The following KCTD16 variants were observed in gnomAD, a reference collection of about 807,000 sequenced individuals.
KCTD16 encodes BTB/POZ domain-containing protein KCTD16.
A neutral mutation model predicts 33.2 loss-of-function variants in KCTD16; 13 were observed. That is an observed-to-expected ratio of 0.39 (90% confidence interval 0.25 to 0.62). The LOEUF is 0.62. KCTD16 is among the 20% of genes least tolerant of loss of function. KCTD16 has a pLI of 0.50. For missense variants in KCTD16, 441 were observed against 525.1 expected, an observed-to-expected ratio of 0.84 and a Z score of 1.57; for synonymous variants, 197 against 195.3, an observed-to-expected ratio of 1.01 and a Z score of -0.07.
rs562464470 is a variant in KCTD16 at position 144,304,460 on chromosome 5, G to A, written c.832+96914G>A. Among the ~76,000 whole-genome samples, 20 of 152,318 alleles carry A rather than the reference G, an allele frequency of 1.3e-4. 1 individual carries two copies. The highest frequency in any genetic ancestry group is 1.2e-3 in the East Asian group (6 of 5,190). ...TAAGGGAATGGGAAATTGTTTCTTCGGAGGAAAGCCTAAAAGAATTTGAAT... is the reference window on the plus strand; with the variant it reads ...TAAGGGAATGGGAAATTGTTTCTTCAGAGGAAAGCCTAAAAGAATTTGAAT... On this transcript the variant is annotated intron_variant, in intron 3 of 3. Transcript: ENST00000512467.
At chr5:144,333,620 G>A (rs903360361) in intron 3 of KCTD16, among the ~76,000 whole-genome samples, 2 of 152,092 alleles carry the variant, frequency 1.3e-5, no homozygotes, top group African/African-American at 4.8e-5. Flanking sequence ...TGTTGGCTGG[G>A]CTAATATTGT....
chr5:144,403,716 G>A (rs954450881), intron 3 of KCTD16, among the ~76,000 whole-genome samples: 1 of 152,156 alleles, frequency 6.6e-6, no homozygotes, highest in Non-Finnish European at 1.5e-5. Flanking sequence ...ACAGATTCTG[G>A]GGATTAGAAC....
intron 3 of KCTD16, among the ~76,000 whole-genome samples, chr5:144,411,172 T>C (rs922987903): frequency 5.3e-5 from 8 of 152,194 alleles, no homozygotes; most frequent in African/African-American, 7.2e-5. Context: ...CTTCACAGAA[T>C]TAGAAAAAAA....
chr5:144,417,627 TTTTTA>T (rs1753093209), intron 3 of KCTD16, among the ~76,000 whole-genome samples: 1 of 151,544 alleles, frequency 6.6e-6, no homozygotes, highest in African/African-American at 2.4e-5. Context: ...ATACAATTTA[TTTTTA>T]TTTTGTTTTT....
intron 3 of KCTD16, among the ~76,000 whole-genome samples, chr5:144,371,681 T>TG (rs1178279219): frequency 6.6e-6 from 1 of 151,986 alleles, no homozygotes; most frequent in African/African-American, 2.4e-5. Flanking sequence ...CTGATGTTCA[T>TG]GGAAAAACTC....
At chr5:144,443,454 A>G (rs1023279491) in intron 3 of KCTD16, among the ~76,000 whole-genome samples, 1 of 151,738 alleles carries the variant, frequency 6.6e-6, no homozygotes, top group African/African-American at 2.4e-5. Context: ...TTACTTCATC[A>G]TTCTAGAAAT....
At chr5:144,345,285 C>A (rs747479304) in intron 3 of KCTD16, among the ~76,000 whole-genome samples, 1 of 151,688 alleles carries the variant, frequency 6.6e-6, no homozygotes, top group Non-Finnish European at 1.5e-5. Flanking sequence ...AGCACACCAG[C>A]ATGGCACATG....
intron 3 of KCTD16, among the ~76,000 whole-genome samples, chr5:144,444,335 A>G (rs542009535): frequency 6.6e-6 from 1 of 152,154 alleles, no homozygotes; most frequent in South Asian, 2.1e-4. Context: ...CACATCAAAA[A>G]TCATGGTTCT....
At chr5:144,289,484 G>A (rs569062692) in intron 3 of KCTD16, among the ~76,000 whole-genome samples, 1 of 152,242 alleles carries the variant, frequency 6.6e-6, no homozygotes, top group African/African-American at 2.4e-5. Flanking sequence ...TCTGGTAGGA[G>A]AGGGCTGCCT....
intron 2 of KCTD16, chr5:144,205,232 C>A (rs1368978531): frequency 3.7e-6 from 1 of 272,628 alleles, no homozygotes; most frequent in Non-Finnish European, 6.8e-6. Flanking sequence ...ATCGCGTGCC[C>A]ACCGCCGGAG....
At chr5:144,355,487 A>G (rs1751550308) in intron 3 of KCTD16, among the ~76,000 whole-genome samples, 1 of 152,148 alleles carries the variant, frequency 6.6e-6, no homozygotes, top group African/African-American at 2.4e-5. Context: ...AGACAGAGAC[A>G]GGTAGTGGGA....
intron 3 of KCTD16, among the ~76,000 whole-genome samples, chr5:144,411,918 T>C (rs1259239339): frequency 6.6e-6 from 1 of 152,014 alleles, no homozygotes; most frequent in African/African-American, 2.4e-5. Flanking sequence ...CAGGTATATA[T>C]AAAAAAATTG....
At chr5:144,382,783 T>G (rs558956426) in intron 3 of KCTD16, among the ~76,000 whole-genome samples, 1 of 152,216 alleles carries the variant, frequency 6.6e-6, no homozygotes, top group Non-Finnish European at 1.5e-5. Flanking sequence ...TCATCTCTTT[T>G]ACTTCAGCAT....
At chr5:144,177,219 A>G (rs1752527882) in intron 2 of KCTD16, among the ~76,000 whole-genome samples, 1 of 152,190 alleles carries the variant, frequency 6.6e-6, no homozygotes. Context: ...TAATGCTTGA[A>G]CCACAGTAAC....
chr5:144,407,126 A>AG (rs1423103897), intron 3 of KCTD16, among the ~76,000 whole-genome samples: 1 of 151,638 alleles, frequency 6.6e-6, no homozygotes, highest in Non-Finnish European at 1.5e-5. Context: ...GATGTGGGCG[A>AG]GGGGAGTAGG....
At chr5:144,395,641 C>A (rs1446836005) in intron 3 of KCTD16, among the ~76,000 whole-genome samples, 1 of 152,236 alleles carries the variant, frequency 6.6e-6, no homozygotes, top group Non-Finnish European at 1.5e-5. Flanking sequence ...TTCAGCAATT[C>A]TCTCCACAAT....
rs1752731888 is a variant in KCTD16, at chr5:144,344,496, A to G, written c.833-129164A>G. 2.0e-5 allele frequency among the ~76,000 whole-genome samples: 3 copies of G among 151,862 alleles called. No homozygotes were observed. In the South Asian group the frequency reaches 6.2e-4, roughly 31 times the overall value. On this transcript the variant is annotated intron_variant, in intron 3 of 3. Transcript: ENST00000512467. ...TATCCAGAATCTACAAAGAACTTCA[A>G]CAAATTTACAAGAAAAAAACAAACA...
At chr5:144,394,731 C>T (rs1044220003) in intron 3 of KCTD16, among the ~76,000 whole-genome samples, 2 of 152,192 alleles carry the variant, frequency 1.3e-5, no homozygotes, top group Non-Finnish European at 2.9e-5. Context: ...TGCCTGCTTG[C>T]TCTTCTCTCT....
intron 3 of KCTD16, among the ~76,000 whole-genome samples, chr5:144,345,526 A>C (rs1233046922): frequency 6.6e-6 from 1 of 152,092 alleles, no homozygotes; most frequent in African/African-American, 2.4e-5. Flanking sequence ...GGATGAATGT[A>C]AACCTTTTGG....
Sources: allele counts gnomAD v4.1 joint callset (sites outside exome capture counted in the v4.1 genomes callset), GRCh38; gene constraint gnomAD v4.1.1; transcripts MANE v1.5; gene names NCBI Gene and HGNC (gene_info 2026-07-23, HGNC 2026-07-21).